The following TTC27 variants were observed in gnomAD, a reference collection of about 807,000 sequenced individuals.
TTC27 encodes tetratricopeptide repeat domain 27, also known as tetratricopeptide repeat protein 27.
Under a neutral mutation model 115.9 loss-of-function variants are expected in TTC27, and 79 were observed. The observed-to-expected ratio is 0.68, with a 90% confidence interval of 0.57 to 0.82. The LOEUF (loss-of-function observed/expected upper bound fraction) is 0.82, where lower values mean the gene tolerates loss of function less well. Among genes scored for constraint, TTC27 ranks in the 40% least tolerant of loss-of-function variants. The pLI, the probability that TTC27 is intolerant of heterozygous loss-of-function variation, is 0.00. For synonymous variants in TTC27, 401 were observed against 356.0 expected (o/e 1.13, Z -1.42); for missense variants, 1,054 against 993.1 (o/e 1.06, Z -0.82).
chr2:32,770,434 G>A lies in TTC27; in HGVS notation c.1681-7448G>A, dbSNP rs116432344. On this transcript the variant is annotated intron_variant, in intron 13 of 19. Transcript: ENST00000317907. Reference sequence around the variant, plus strand: ...AACCTCTTCACAGTTTTGCCCTCGAGGATATCATAGTATGCTAGGACGTAA... The same window carrying A: ...AACCTCTTCACAGTTTTGCCCTCGAAGATATCATAGTATGCTAGGACGTAA... 8.9e-3 allele frequency among the ~76,000 whole-genome samples: 1,356 copies of A among 152,338 alleles called. 14 individuals carry two copies. The highest frequency in any genetic ancestry group is 0.032 in the African/African-American group (1,317 of 41,572).
intron 12 of TTC27, among the ~76,000 whole-genome samples, chr2:32,737,360 T>A (rs1375154767): frequency 1.3e-5 from 2 of 152,150 alleles, no homozygotes; most frequent in Non-Finnish European, 2.9e-5. Context: ...TGAACAGAAT[T>A]TTAAGAAGAA....
chr2:32,705,842 C>T (rs902158341), intron 10 of TTC27, among the ~76,000 whole-genome samples: 3 of 152,120 alleles, frequency 2.0e-5, no homozygotes, highest in Non-Finnish European at 4.4e-5. Flanking sequence ...GCGGGAGCCA[C>T]CTACTATTTA....
intron 12 of TTC27, among the ~76,000 whole-genome samples, chr2:32,743,599 C>G (rs1025641663): frequency 6.6e-6 from 1 of 152,156 alleles, no homozygotes; most frequent in Non-Finnish European, 1.5e-5. Context: ...CAGTTCTCAA[C>G]ACTGGACTGT....
At chr2:32,753,679 T>C (rs913825708) in intron 12 of TTC27, among the ~76,000 whole-genome samples, 2 of 151,904 alleles carry the variant, frequency 1.3e-5, no homozygotes, top group Non-Finnish European at 2.9e-5. Context: ...ACTCCTGGCC[T>C]CAAGTGATCC....
At chr2:32,746,642 C>G (rs1668842550) in intron 12 of TTC27, among the ~76,000 whole-genome samples, 1 of 148,926 alleles carries the variant, frequency 6.7e-6, no homozygotes, top group Non-Finnish European at 1.5e-5. Flanking sequence ...AATTCTAAAG[C>G]TTTTGCATTC....
intron 9 of TTC27, among the ~76,000 whole-genome samples, chr2:32,695,405 G>A (rs981718420): frequency 4.6e-5 from 7 of 152,140 alleles, no homozygotes; most frequent in Non-Finnish European, 1.0e-4. Context: ...CCAACATGGT[G>A]AAATGCCATC....
chr2:32,819,827 C>A (rs1671620638), intron 19 of TTC27, among the ~76,000 whole-genome samples: 1 of 152,166 alleles, frequency 6.6e-6, no homozygotes, highest in South Asian at 2.1e-4. Flanking sequence ...GGACTCTCAG[C>A]AAATTATTCA....
chr2:32,820,988 G>T lies in TTC27; in HGVS notation c.*50G>T. ...AAGGTGCTTTCACCTGCTGGTAAAA[G>T]ATACATCTGTATATCTGAAATGCAA... On this transcript the variant is annotated 3_prime_UTR_variant, in exon 20 of 20. Coordinates refer to ENST00000317907, the MANE Select transcript of TTC27 (RefSeq NM_017735.5). 2.8e-6 allele frequency: 4 copies of T among 1,415,494 alleles called. No individual in the cohort carries two copies. The highest frequency in any genetic ancestry group is 2.8e-6 in the Non-Finnish European group (3 of 1,068,960). 87.7% of individuals were successfully genotyped at this position (1,415,494 alleles called of 1,614,324 possible). A position where few individuals can be genotyped will look rare whatever the true frequency, so the allele number is the denominator to read the frequency against.
At chr2:32,653,364 G>T (rs1049996621) in intron 5 of TTC27, among the ~76,000 whole-genome samples, 5 of 152,080 alleles carry the variant, frequency 3.3e-5, no homozygotes, top group African/African-American at 9.7e-5. Flanking sequence ...GGAGGCTGAC[G>T]CAGTGGATCA....
chr2:32,714,138 A>G (rs1667674365), intron 10 of TTC27, among the ~76,000 whole-genome samples: 1 of 148,654 alleles, frequency 6.7e-6, no homozygotes. Context: ...CATGGTGTAT[A>G]TGCAGCGCAC....
chr2:32,665,748 GGGTGTGGT>G (rs1665749731), intron 6 of TTC27, among the ~76,000 whole-genome samples: 2 of 152,018 alleles, frequency 1.3e-5, no homozygotes, highest in Admixed American at 6.6e-5. Context: ...AAAATTAGCT[GGGTGTGGT>G]GGTGCATGCC....
rs545974288 is a variant in TTC27 at position 32,767,179 on chromosome 2, C to T, written c.1680+8660C>T. Among the ~76,000 whole-genome samples the T allele has an allele frequency of 2.6e-5, 4 of 152,120 alleles. No homozygotes were observed. In the South Asian group the frequency reaches 8.3e-4, roughly 32 times the overall value. On this transcript the variant is annotated intron_variant, in intron 13 of 19. Transcript: ENST00000317907. ...TAAGAAATAGGGAATTTTTTAAAACCGTAATACCATTGCACTTAAAACATC... is the reference window on the plus strand; with the variant it reads ...TAAGAAATAGGGAATTTTTTAAAACTGTAATACCATTGCACTTAAAACATC...
chr2:32,780,652 C>G (rs1180253884), intron 14 of TTC27, among the ~76,000 whole-genome samples: 1 of 152,044 alleles, frequency 6.6e-6, no homozygotes, highest in Non-Finnish European at 1.5e-5. Flanking sequence ...GTTGGCCAGA[C>G]TAGTCTCAAA....
At position 32,817,494 on chromosome 2, in the gene TTC27, A is replaced by C. The variant is rs750167439; in HGVS notation, c.2346A>C (p.Gln782His). ...IKCSKNKSSS[Q>H]EAVQMLSSVR... ...GCAGTAAAAACAAATCCAGTTCCCA[A>C]GAAGCTGTACAAATGCTTTCTTCTG... Residue 782 changes from glutamine to histidine, a missense_variant, in exon 19 of 20, where the codon CAA becomes CAC. Physicochemically the swap from Gln to His is conservative, Grantham distance 24 (BLOSUM62 0). Transcript: ENST00000317907. 1.9e-5 allele frequency: 30 copies of C among 1,613,994 alleles called. No individual in the cohort carries two copies. Among genetic ancestry groups the C allele is most frequent in the Non-Finnish European group, 2.5e-5 (30 of 1,180,004 alleles).
At chr2:32,694,977 C>G (rs922112148) in intron 9 of TTC27, among the ~76,000 whole-genome samples, 5 of 152,020 alleles carry the variant, frequency 3.3e-5, no homozygotes, top group African/African-American at 4.8e-5. Context: ...CTACGGCCAG[C>G]CTGCTCTGTC....
intron 6 of TTC27, among the ~76,000 whole-genome samples, chr2:32,665,445 G>A (rs1003932282): frequency 3.9e-5 from 6 of 152,126 alleles, no homozygotes; most frequent in African/African-American, 1.4e-4. Context: ...TGGGACTATT[G>A]ATGCCATAAT....
At chr2:32,766,150 A>G (rs1669618738) in intron 13 of TTC27, among the ~76,000 whole-genome samples, 1 of 152,188 alleles carries the variant, frequency 6.6e-6, no homozygotes, top group Non-Finnish European at 1.5e-5. Context: ...ACTAAACTTA[A>G]TCATTTCTAG....
chr2:32,666,509 G>T lies in TTC27; in HGVS notation c.806-126G>T, dbSNP rs185080300. 9.4e-4 allele frequency: 930 copies of T among 984,926 alleles called. 8 individuals carry two copies. The highest frequency in any genetic ancestry group is 1.5e-3 in the Admixed American group (46 of 29,872). 61.0% of individuals were successfully genotyped at this position (984,926 alleles called of 1,614,324 possible). ...TTTAAAACCTGAGGCTGGGCCTCAG[G>T]ACTTTCTTATGTGAAATGGAGAAAA... is the stretch of plus-strand genomic sequence containing the variant. On this transcript the variant is annotated intron_variant, in intron 6 of 19. Coordinates refer to ENST00000317907, the MANE Select transcript of TTC27 (RefSeq NM_017735.5).
chr2:32,725,107 C>T (rs2151911655), intron 10 of TTC27, among the ~76,000 whole-genome samples: 1 of 152,268 alleles, frequency 6.6e-6, no homozygotes, highest in South Asian at 2.1e-4. Context: ...CTGGGTCCCT[C>T]CCACAACATG....
Sources: gnomAD v4.1 joint callset for allele counts (sites outside exome capture counted in the v4.1 genomes callset) on GRCh38, gnomAD v4.1.1 for gene constraint, MANE v1.5 for transcripts, NCBI Gene and HGNC (gene_info 2026-07-23, HGNC 2026-07-21) for gene names.